Variants in SETD1B observed in about 807,000 individuals in gnomAD.
The protein encoded by SETD1B is SET domain containing 1B, histone lysine methyltransferase.
SETD1B carries 7 observed loss-of-function variants against 148.0 expected under a neutral mutation model. The observed-to-expected ratio is 0.05, with a 90% CI of 0.03 to 0.09. SETD1B has a LOEUF of 0.09. SETD1B is among the 10% of genes least tolerant of loss of function. The probability of loss-of-function intolerance (pLI) is 1.00; values close to 1 mark genes in which losing one functional copy is unlikely to be tolerated. For synonymous variants in SETD1B, 1,361 were observed against 1,186.5 expected (o/e 1.15, Z -3.02); for missense variants, 2,155 against 2,729.9 (o/e 0.79, Z 4.69).
chr12:121,817,636 G>A lies in SETD1B; in HGVS notation c.3244G>A (p.Glu1082Lys). ...ESTEEEEEAE[E>K]EEEEEVPRSQ... is the part of the protein sequence containing the mutation. ...CACCGAGGAGGAAGAGGAGGCGGAG[G>A]AGGAGGAGGAGGAGGAAGTCCCCAG... Residue 1082 changes from glutamate to lysine, a missense_variant, in exon 9 of 17, where the codon GAG becomes AAG. Glu to Lys is a moderately conservative substitution (Grantham distance 56). Coordinates refer to ENST00000604567, the MANE Select transcript of SETD1B (RefSeq NM_001353345.2). This position sits in a 1 kb window ranked among gnomAD's most constrained non-coding sequence, Gnocchi z 8.1. The A allele has an allele frequency of 6.5e-7, 1 of 1,546,438 alleles. No individual in the cohort carries two copies. Among genetic ancestry groups the A allele is most frequent in the Non-Finnish European group, 8.7e-7 (1 of 1,145,868 alleles).
chr12:121,803,365 C>T (rs894300354), upstream of SETD1B: 1 of 152,266 alleles, frequency 6.6e-6, no homozygotes, highest in Non-Finnish European at 1.5e-5. This position sits in a 1 kb window ranked among gnomAD's most constrained non-coding sequence, Gnocchi z 4.7. Context: ...AGGGCGCTCC[C>T]CTCCAAAAAT....
chr12:121,825,822 T>C (rs1876813922), intron 13 of SETD1B, among the ~76,000 whole-genome samples: 1 of 152,046 alleles, frequency 6.6e-6, no homozygotes, highest in Non-Finnish European at 1.5e-5. Flanking sequence ...TTTTTTGTAT[T>C]TTTAGTAGAG....
chr12:121,800,725 C>T (rs1875302737), upstream of SETD1B: 1 of 147,962 alleles, frequency 6.8e-6, no homozygotes. Context: ...CATCAGGCCG[C>T]CGCGCCCGGC....
At position 121,827,536 on chromosome 12, in the gene SETD1B, A is replaced by G; in HGVS notation, c.5355A>G (p.Ala1785=). The change falls in exon 14 of 17, where the codon GCA becomes GCG. Residue 1785 remains alanine (A), a synonymous_variant. Coordinates refer to ENST00000604567, the MANE Select transcript of SETD1B (RefSeq NM_001353345.2). ...CACTGCAGGGCATGAGCATCCCAGC[A>G]CAGCCCCACGCCTCCACCCGGGCAG... is the stretch of plus-strand genomic sequence containing the variant. ...PADTQGMSIP[A]QPHASTRAGS... is the part of the protein sequence containing the mutation. 6.5e-7 allele frequency: 1 copy of G among 1,544,464 alleles called. No individual in the cohort carries two copies. The highest frequency in any genetic ancestry group is 8.7e-7 in the Non-Finnish European group (1 of 1,145,914).
chr12:121,800,341 C>G (rs1256590237), upstream of SETD1B: 2 of 152,232 alleles, frequency 1.3e-5, no homozygotes. Flanking sequence ...GGCCTCCCGC[C>G]CTGAGTGAGG....
In SETD1B at chr12:121,822,443, G is replaced by A. The variant is rs537553639; in HGVS notation, c.3911-47G>A. 45 of 1,487,676 alleles carry A rather than the reference G, an allele frequency of 3.0e-5. No individual in the cohort carries two copies. The Middle Eastern group carries it at 5.3e-4, about 17-fold the overall frequency. The allele number at this position is 1,487,676 out of a possible 1,614,324, so 92.2% of individuals were successfully genotyped here. A position where few individuals can be genotyped will look rare whatever the true frequency, so the allele number is the denominator to read the frequency against. ...AGCACAAAATAAGGCACTGAGAGACGTTTGGATTGAATAGTAAATGTCTCG... is the reference window on the plus strand; with the variant it reads ...AGCACAAAATAAGGCACTGAGAGACATTTGGATTGAATAGTAAATGTCTCG... On this transcript the variant is annotated intron_variant, in intron 11 of 16. Transcript: ENST00000604567.
At chr12:121,791,777 A>G in the SETD1B span, among the ~76,000 whole-genome samples, 2 of 152,158 alleles carry the variant, frequency 1.3e-5, no homozygotes, top group South Asian at 4.1e-4. Flanking sequence ...ATGGCAGAGG[A>G]GGAGGAAAGA....
Position 121,823,321 on chromosome 12 carries a change from C to G in SETD1B, c.4742C>G (p.Ala1581Gly). ...GACTTCCGGAACGCGGGGATCCCAGCCCCTCCACCACCCCTTCCCCCCCAG... is the reference window on the plus strand; with the variant it reads ...GACTTCCGGAACGCGGGGATCCCAGGCCCTCCACCACCCCTTCCCCCCCAG... Reference protein sequence around the residue: ...TLDFRNAGIPAPPPPLPPQPP... With the variant: ...TLDFRNAGIPGPPPPLPPQPP... Residue 1581 changes from alanine (A) to glycine (G), a missense_variant, in exon 12 of 17, where the codon GCC becomes GGC. By Grantham distance (60) the Ala-to-Gly change is moderately conservative. Around this residue, in one of 11 missense-constraint regions of SETD1B, gnomAD observed 862 missense variants for 873.8 expected, o/e 0.99. Transcript: ENST00000604567. 6.5e-7 allele frequency: 1 copy of G among 1,538,034 alleles called. No homozygotes were observed. The highest frequency in any genetic ancestry group is 8.8e-7 in the Non-Finnish European group (1 of 1,139,460).
Position 121,805,749 on chromosome 12 carries a change from G to A in SETD1B, c.274-86G>A. On this transcript the variant is annotated intron_variant, in intron 3 of 16. Transcript: ENST00000604567. The surrounding 1 kb of genome is among the most constrained non-coding windows in gnomAD (Gnocchi z 4.2). ...CCTTTATTGTTTTCAACGGGTGGGC[G>A]AGTTGCGGGCGGGGCGGGGGGGATG... is the stretch of plus-strand genomic sequence containing the variant. The A allele has an allele frequency of 2.3e-6, 3 of 1,286,584 alleles. No homozygotes were observed. The highest frequency in any genetic ancestry group is 3.2e-6 in the Non-Finnish European group (3 of 952,094). The allele number at this position is 1,286,584 out of a possible 1,614,324, so 79.7% of individuals were successfully genotyped here.
the SETD1B span, chr12:121,796,318 G>C: frequency 1.9e-4 from 29 of 152,902 alleles, no homozygotes. Flanking sequence ...ACTGAAGCCT[G>C]GGGGAGCGGC....
intron 10 of SETD1B, among the ~76,000 whole-genome samples, 176 bp from the exon 11 acceptor site, chr12:121,819,228 G>C (rs1484129453): frequency 6.6e-6 from 1 of 152,098 alleles, no homozygotes; most frequent in Non-Finnish European, 1.5e-5. Flanking sequence ...TGGGCAACAA[G>C]AGCAAAACTC....
In SETD1B at chr12:121,809,988, G is replaced by C. The variant is rs774374930; in HGVS notation, c.1043G>C (p.Gly348Ala). 30 of 1,550,744 alleles carry C rather than the reference G, an allele frequency of 1.9e-5. No homozygotes were observed. The South Asian group carries it at 3.5e-4, about 18-fold the overall frequency. Residue 348 changes from glycine (G) to alanine (A), a missense_variant, in exon 6 of 17, where the codon GGT becomes GCT. Around this residue, in one of 11 missense-constraint regions of SETD1B, gnomAD observed 376 missense variants for 385.0 expected, o/e 0.98. Coordinates refer to ENST00000604567, the MANE Select transcript of SETD1B (RefSeq NM_001353345.2). Reference protein sequence around the residue: ...AVAGATAAFRGSSDLPFGAVG... With the variant: ...AVAGATAAFRASSDLPFGAVG... Reference sequence around the variant, plus strand: ...GCCGGGGCCACAGCCGCTTTCCGGGGTTCCTCGGACCTCCCGTTCGGAGCA... The same window carrying C: ...GCCGGGGCCACAGCCGCTTTCCGGGCTTCCTCGGACCTCCCGTTCGGAGCA...
In SETD1B at chr12:121,804,698, G is replaced by C; in HGVS notation, c.-14-26G>C. ...CGGCCGCCGCCGCCGCCGCGGCGGA[G>C]ACGACAACAACTTGCTGGTTTTCAG... On this transcript the variant is annotated intron_variant, in intron 1 of 16. Transcript: ENST00000604567. This position sits in a 1 kb window ranked among gnomAD's most constrained non-coding sequence, Gnocchi z 4.6. The C allele has an allele frequency of 1.3e-6, 2 of 1,540,034 alleles. No individual in the cohort carries two copies. Among genetic ancestry groups the C allele is most frequent in the Non-Finnish European group, 1.7e-6 (2 of 1,143,460 alleles).
the SETD1B span, among the ~76,000 whole-genome samples, chr12:121,794,536 C>A: frequency 4.6e-5 from 7 of 152,228 alleles, no homozygotes; most frequent in African/African-American, 1.4e-4. Flanking sequence ...TAACCCCACA[C>A]CCACCAAGAA....
chr12:121,808,433 C>A lies in SETD1B; in HGVS notation c.657+113C>A. ...CCCCCAGCCTACCCCCACCTCACTC[C>A]AGCTTTGGAGACCAAGGCCTAGGAG... On this transcript the variant is annotated intron_variant, in intron 5 of 16. Coordinates refer to ENST00000604567, the MANE Select transcript of SETD1B (RefSeq NM_001353345.2). This position sits in a 1 kb window ranked among gnomAD's most constrained non-coding sequence, Gnocchi z 5.3. The A allele has an allele frequency of 1.5e-6, 1 of 673,104 alleles. No homozygotes were observed. The allele number at this position is 673,104 out of a possible 1,614,324, so 41.7% of individuals were successfully genotyped here.
At chr12:121,799,310 G>A (rs1263653898), upstream of SETD1B, 2 of 152,250 alleles carry the variant, frequency 1.3e-5, no homozygotes, top group Admixed American at 6.5e-5. Flanking sequence ...TGCCCATTCG[G>A]GGACTGGAGA....
At position 121,832,410 on chromosome 12, in the gene SETD1B, G is replaced by A. The variant is rs903765466; in HGVS notation, c.*2171G>A. On this transcript the variant is annotated 3_prime_UTR_variant, in exon 17 of 17. Coordinates refer to ENST00000604567, the MANE Select transcript of SETD1B (RefSeq NM_001353345.2). The stretch of plus-strand genomic sequence containing the variant: ...TTGAACAAATCTCTGCTTTTCAAGA[G>A]TTGGGGGTTTCTGCTATTTTTTGCT... The A allele has an allele frequency of 6.5e-6, 1 of 153,824 alleles. No individual in the cohort carries two copies. Among genetic ancestry groups the A allele is most frequent in the Non-Finnish European group, 1.5e-5 (1 of 68,904 alleles). 9.5% of individuals were successfully genotyped at this position (153,824 alleles called of 1,614,324 possible).
At position 121,823,436 on chromosome 12, in the gene SETD1B, T is replaced by C; in HGVS notation, c.4857T>C (p.Pro1619=). 6.5e-7 allele frequency: 1 copy of C among 1,544,790 alleles called. No individual in the cohort carries two copies. The highest frequency in any genetic ancestry group is 8.7e-7 in the Non-Finnish European group (1 of 1,144,912). ...LDNQWPSEAI[P]PGPRGRDEVT... ...ACCAGTGGCCCTCCGAGGCCATTCC[T>C]CCGGGCCCCCGTGGGCGCGATGAGG... The change falls in exon 12 of 17, where the codon CCT becomes CCC. Residue 1619 remains proline (P), a synonymous_variant. Transcript: ENST00000604567.
Position 121,808,341 on chromosome 12 carries a change from C to G in SETD1B, c.657+21C>G, listed in dbSNP as rs1398282265. On this transcript the variant is annotated intron_variant, in intron 5 of 16. Transcript: ENST00000604567. The surrounding 1 kb of genome is among the most constrained non-coding windows in gnomAD (Gnocchi z 5.3). ...TGCAGGTGGGTTTATGGCCGTCAGT[C>G]TGCCCCATCGCCAGCTCTTTGATGT... 4 of 1,517,226 alleles carry G rather than the reference C, an allele frequency of 2.6e-6. No individual in the cohort carries two copies. In the African/African-American group the frequency reaches 5.5e-5, roughly 21 times the overall value. The allele number at this position is 1,517,226 out of a possible 1,614,324, so 94.0% of individuals were successfully genotyped here.
Sources: gnomAD v4.1 joint callset for allele counts (sites outside exome capture counted in the v4.1 genomes callset) on GRCh38, gnomAD v4.1.1 for gene constraint, gnomAD v4.1.1 regional missense constraint, Gnocchi (gnomAD v3.1) non-coding constraint, MANE v1.5 for transcripts, NCBI Gene and HGNC (gene_info 2026-07-23, HGNC 2026-07-21) for gene names.